ST3GAL5: variants seen among roughly 807,000 people sequenced by gnomAD.
The protein encoded by ST3GAL5 is lactosylceramide alpha-2,3-sialyltransferase.
ST3GAL5 carries 25 observed loss-of-function variants against 46.1 expected under a neutral mutation model. The observed-to-expected ratio is 0.54, with a 90% CI of 0.40 to 0.76. The LOEUF (loss-of-function observed/expected upper bound fraction) is 0.76. ST3GAL5 is among the 30% of genes least tolerant of loss of function. The probability of loss-of-function intolerance (pLI) is 0.00; values close to 1 mark genes in which losing one functional copy is unlikely to be tolerated. For missense variants in ST3GAL5, 431 were observed against 521.2 expected (o/e 0.83, Z 1.69); for synonymous variants, 182 against 192.7 (o/e 0.94, Z 0.46).
At chr2:85,856,119 T>A (rs1207618129) in intron 3 of ST3GAL5, 1 of 152,118 alleles carries the variant, frequency 6.6e-6, no homozygotes, top group Non-Finnish European at 1.5e-5. Flanking sequence ...TGAAAACAGG[T>A]ACACAAATAC....
intron 1 of ST3GAL5, chr2:85,867,918 T>C (rs1262962106): frequency 2.2e-5 from 11 of 497,530 alleles, no homozygotes; most frequent in African/African-American, 2.1e-4. Context: ...GGCATTGCTT[T>C]AGCCTCCACA....
In ST3GAL5 at chr2:85,840,197, C is replaced by T. The variant is rs1424004727; in HGVS notation, c.1204G>A (p.Val402Ile). 8 of 1,614,064 alleles carry T rather than the reference C, an allele frequency of 5.0e-6. No homozygotes were observed. Among genetic ancestry groups the T allele is most frequent in the Non-Finnish European group, 6.8e-6 (8 of 1,180,046 alleles). Residue 402 changes from valine (V) to isoleucine (I), a missense_variant, in exon 7 of 7, where the codon GTC (valine) becomes ATC (isoleucine). Coordinates refer to ENST00000638572, the MANE Select transcript of ST3GAL5 (RefSeq NM_003896.4). ...AGATCTTTCACCACTCCCTCTTTGA[C>T]CAGCTTTAAGAGGAACTTGGTTTCC... Reference protein sequence around the residue: ...TTETKFLLKLVKEGVVKDLSG... With the variant: ...TTETKFLLKLIKEGVVKDLSG...
Position 85,843,721 on chromosome 2 carries a change from C to A in ST3GAL5, c.1008+675G>T, listed in dbSNP as rs570852508. On this transcript the variant is annotated intron_variant, in intron 6 of 6. Coordinates refer to ENST00000638572, the MANE Select transcript of ST3GAL5 (RefSeq NM_003896.4). ...ATCAAGAAGCCGCAAGTAATAAAGGCATGCACACCCCCACGCCCCTGGTGG... is the reference window on the plus strand; with the variant it reads ...ATCAAGAAGCCGCAAGTAATAAAGGAATGCACACCCCCACGCCCCTGGTGG... 3.3e-4 allele frequency among the ~76,000 whole-genome samples: 50 copies of A among 152,310 alleles called. No homozygotes were observed. The South Asian group carries it at 9.1e-3, about 28-fold the overall frequency.
chr2:85,880,845 A>G, intron 1 of ST3GAL5: 1 of 510,844 alleles, frequency 2.0e-6, no homozygotes, highest in South Asian at 1.4e-5. Flanking sequence ...AAAAACTCTC[A>G]TAATCTCATT....
At chr2:85,877,368 A>G (rs532977340) in intron 1 of ST3GAL5, among the ~76,000 whole-genome samples, 1 of 152,238 alleles carries the variant, frequency 6.6e-6, no homozygotes, top group Non-Finnish European at 1.5e-5. Context: ...CTTTAATCTG[A>G]AACCGTTCCT....
chr2:85,850,669 A>C (rs540244209), intron 3 of ST3GAL5: 1 of 152,384 alleles, frequency 6.6e-6, no homozygotes, highest in South Asian at 2.1e-4. Flanking sequence ...CTAGAGAATC[A>C]TATCCTAAGT....
At chr2:85,873,135 C>T (rs903078980) in intron 1 of ST3GAL5, among the ~76,000 whole-genome samples, 2 of 152,104 alleles carry the variant, frequency 1.3e-5, no homozygotes, top group Admixed American at 1.3e-4. Context: ...TACTAGAACA[C>T]GGGTGTCCCC....
At chr2:85,862,749 CT>C (rs35086875) in intron 2 of ST3GAL5, among the ~76,000 whole-genome samples, 2 of 152,150 alleles carry the variant, frequency 1.3e-5, no homozygotes, top group African/African-American at 4.8e-5. Context: ...TATAAATTTC[CT>C]TTTCCCCTAC....
intron 3 of ST3GAL5, chr2:85,851,346 C>T (rs1342306411): frequency 3.0e-5 from 35 of 1,170,900 alleles, no homozygotes; most frequent in South Asian, 6.8e-5. Context: ...GTCCTGGCAA[C>T]GTCTAAAGCC....
intron 6 of ST3GAL5, among the ~76,000 whole-genome samples, chr2:85,844,113 T>C (rs1682472160): frequency 6.6e-6 from 1 of 152,102 alleles, no homozygotes; most frequent in East Asian, 1.9e-4. Context: ...TGTCCTGCAG[T>C]TATATGGAGT....
intron 3 of ST3GAL5, chr2:85,858,110 T>C (rs1375380067): frequency 1.3e-5 from 2 of 152,220 alleles, no homozygotes; most frequent in Non-Finnish European, 2.9e-5. Flanking sequence ...TTAGGCTGCA[T>C]GCAGGTGTTC....
At chr2:85,880,002 T>C (rs1335088441) in intron 1 of ST3GAL5, among the ~76,000 whole-genome samples, 1 of 152,200 alleles carries the variant, frequency 6.6e-6, no homozygotes, top group Non-Finnish European at 1.5e-5. Flanking sequence ...GGAACAGCTG[T>C]CCAGGTGGAT....
intron 3 of ST3GAL5, among the ~76,000 whole-genome samples, chr2:85,860,642 G>A (rs1296930705): frequency 6.6e-6 from 1 of 152,144 alleles, no homozygotes; most frequent in African/African-American, 2.4e-5. Context: ...GGAGGCCAAG[G>A]CGGGAGGATA....
At chr2:85,847,400 C>T in intron 4 of ST3GAL5, 1 of 999,362 alleles carries the variant, frequency 1.0e-6, no homozygotes, top group Non-Finnish European at 1.2e-6. Flanking sequence ...GCAGCATGCT[C>T]CTCCAACTTA....
intron 1 of ST3GAL5, chr2:85,867,487 ATATC>A (rs931454542): frequency 2.7e-6 from 2 of 737,984 alleles, no homozygotes; most frequent in African/African-American, 3.5e-5. Context: ...CTCCTGGGAT[ATATC>A]TATTAAAGGT....
At chr2:85,854,187 C>G (rs186323271) in intron 3 of ST3GAL5, 1 of 152,112 alleles carries the variant, frequency 6.6e-6, no homozygotes, top group African/African-American at 2.4e-5. Flanking sequence ...AAAAAAGTAA[C>G]CTTTTAGAAA....
intron 1 of ST3GAL5, among the ~76,000 whole-genome samples, chr2:85,864,773 T>G (rs770687999): frequency 9.9e-5 from 15 of 152,206 alleles, no homozygotes; most frequent in Non-Finnish European, 2.1e-4. Context: ...CTAACTCAAC[T>G]TAATACAGCT....
intron 1 of ST3GAL5, among the ~76,000 whole-genome samples, chr2:85,883,619 G>A (rs1191605521): frequency 6.6e-6 from 1 of 152,194 alleles, no homozygotes; most frequent in Non-Finnish European, 1.5e-5. Flanking sequence ...GGGGACGGAT[G>A]GCAGAATGTC....
chr2:85,863,146 G>T (rs1573651147), intron 2 of ST3GAL5, among the ~76,000 whole-genome samples: 1 of 152,318 alleles, frequency 6.6e-6, no homozygotes, highest in African/African-American at 2.4e-5. Context: ...CAGCTACTGG[G>T]CACTGTGCAC....
Sources: gnomAD v4.1 joint callset for allele counts (sites outside exome capture counted in the v4.1 genomes callset) on GRCh38, gnomAD v4.1.1 for gene constraint, MANE v1.5 for transcripts, NCBI Gene and HGNC (gene_info 2026-07-23, HGNC 2026-07-21) for gene names.